SHANK2: variants seen among roughly 807,000 people sequenced by gnomAD.
SHANK2 encodes SH3 and multiple ankyrin repeat domains 2.
SHANK2 carries 43 observed loss-of-function variants against 133.7 expected under a neutral mutation model. The observed-to-expected ratio is 0.32, with a 90% CI of 0.25 to 0.41. The LOEUF (loss-of-function observed/expected upper bound fraction) is 0.41, where lower values mean the gene tolerates loss of function less well. Ranked by LOEUF, SHANK2 falls within the 10% of genes least tolerant of loss-of-function variation. SHANK2 has a pLI of 1.00. For synonymous variants in SHANK2, 1,017 were observed against 952.8 expected, an observed-to-expected ratio of 1.07 and a Z score of -1.24; for missense variants, 1,994 against 2,235.8, an observed-to-expected ratio of 0.89 and a Z score of 2.18.
chr11:71,225,405 A>G (rs1954622905), intron 1 of SHANK2, among the ~76,000 whole-genome samples: 1 of 151,986 alleles, frequency 6.6e-6, no homozygotes, highest in Non-Finnish European at 1.5e-5. Flanking sequence ...GCAGTAACAA[A>G]TCCTCCTTTC....
chr11:70,573,655 T>G (rs1000282736), intron 17 of SHANK2, among the ~76,000 whole-genome samples: 2 of 151,952 alleles, frequency 1.3e-5, no homozygotes, highest in Non-Finnish European at 2.9e-5. Context: ...CAGATCAAGC[T>G]TCAGGTTCTG....
chr11:70,707,698 A>C (rs1042347828), intron 14 of SHANK2, among the ~76,000 whole-genome samples: 1 of 152,168 alleles, frequency 6.6e-6, no homozygotes, highest in East Asian at 1.9e-4. Flanking sequence ...ATGAATGCAC[A>C]CTTCTAAATA....
intron 10 of SHANK2, among the ~76,000 whole-genome samples, chr11:70,926,989 C>G (rs1950436904): frequency 6.6e-6 from 1 of 152,160 alleles, no homozygotes; most frequent in Non-Finnish European, 1.5e-5. Flanking sequence ...CCTGCTGGGT[C>G]CCTTTCCACC....
At chr11:71,176,257 A>C (rs895523965) in intron 2 of SHANK2, among the ~76,000 whole-genome samples, 2 of 152,206 alleles carry the variant, frequency 1.3e-5, no homozygotes, top group Non-Finnish European at 2.9e-5. Context: ...TCCCGCCCCC[A>C]AAAAGCTCAA....
At chr11:70,707,605 C>A (rs1945694510) in intron 14 of SHANK2, among the ~76,000 whole-genome samples, 1 of 152,118 alleles carries the variant, frequency 6.6e-6, no homozygotes, top group Non-Finnish European at 1.5e-5. Flanking sequence ...CCCCAAGCAG[C>A]AAACCATCTC....
intron 17 of SHANK2, chr11:70,631,644 T>TG (rs1294448279): frequency 1.3e-5 from 2 of 152,352 alleles, no homozygotes; most frequent in Non-Finnish European, 2.9e-5. Flanking sequence ...GCCCCCGCAG[T>TG]GGGGGATGTG....
intron 11 of SHANK2, among the ~76,000 whole-genome samples, chr11:70,836,010 C>A (rs1798911858): frequency 6.6e-6 from 1 of 152,144 alleles, no homozygotes; most frequent in South Asian, 2.1e-4. Context: ...GTGGGCTGCC[C>A]ACCACCTCCT....
rs369697996 is a variant in SHANK2 at position 70,884,079 on chromosome 11, C to T, written c.1174+12422G>A. 3.2e-4 allele frequency among the ~76,000 whole-genome samples: 48 copies of T among 152,302 alleles called. 1 individual carries two copies. In the East Asian group the frequency reaches 8.1e-3, roughly 26 times the overall value. ...GAGGAACTTTCTGGGAGAATGGATGCAGAGAGCAAGAGGAGAATGCACCAG... is the reference window on the plus strand; with the variant it reads ...GAGGAACTTTCTGGGAGAATGGATGTAGAGAGCAAGAGGAGAATGCACCAG... On this transcript the variant is annotated intron_variant, in intron 11 of 25. Coordinates refer to ENST00000601538, the MANE Select transcript of SHANK2 (RefSeq NM_012309.5).
intron 3 of SHANK2, among the ~76,000 whole-genome samples, chr11:71,135,943 G>C (rs1320480008): frequency 6.6e-5 from 10 of 152,250 alleles, no homozygotes; most frequent in African/African-American, 9.6e-5. Flanking sequence ...GGTGATGAAG[G>C]CTGAGGGAAC....
At chr11:70,734,422 A>C (rs1946358549) in intron 14 of SHANK2, among the ~76,000 whole-genome samples, 1 of 152,170 alleles carries the variant, frequency 6.6e-6, no homozygotes, top group Non-Finnish European at 1.5e-5. Context: ...CCTGACTCCC[A>C]TACCCAGTCC....
intron 14 of SHANK2, among the ~76,000 whole-genome samples, chr11:70,745,574 C>T (rs1352309261): frequency 1.3e-5 from 2 of 152,210 alleles, no homozygotes; most frequent in African/African-American, 4.8e-5. Context: ...TCCTGCCCTG[C>T]GCTGGCCTGG....
intron 14 of SHANK2, among the ~76,000 whole-genome samples, chr11:70,785,424 T>C (rs1258420027): frequency 6.6e-6 from 1 of 152,208 alleles, no homozygotes; most frequent in Non-Finnish European, 1.5e-5. Flanking sequence ...GCCCATCCCC[T>C]TACCTAACTC....
chr11:70,751,269 A>T (rs1281478889), intron 14 of SHANK2, among the ~76,000 whole-genome samples: 1 of 152,234 alleles, frequency 6.6e-6, no homozygotes, highest in Non-Finnish European at 1.5e-5. Flanking sequence ...AAAAATATAT[A>T]CTGAAAGCAG....
At chr11:71,163,243 T>C (rs1953064606) in intron 2 of SHANK2, among the ~76,000 whole-genome samples, 3 of 146,848 alleles carry the variant, frequency 2.0e-5, no homozygotes, top group Non-Finnish European at 4.4e-5. Context: ...ATGGTGGGTA[T>C]AGAGTCATTA....
intron 3 of SHANK2, among the ~76,000 whole-genome samples, chr11:71,122,132 G>A (rs1342182243): frequency 1.3e-5 from 2 of 152,154 alleles, no homozygotes; most frequent in Non-Finnish European, 2.9e-5. Flanking sequence ...TTGACCCAGT[G>A]ATCCCATTAC....
chr11:71,134,106 G>A (rs1254891753), intron 3 of SHANK2, among the ~76,000 whole-genome samples: 18 of 151,840 alleles, frequency 1.2e-4, no homozygotes, highest in Admixed American at 3.9e-4. Flanking sequence ...AAGCTCCTCC[G>A]TGGCAGGAGG....
chr11:71,137,509 G>T (rs4945086), intron 3 of SHANK2, among the ~76,000 whole-genome samples: 1 of 151,752 alleles, frequency 6.6e-6, no homozygotes, highest in African/African-American at 2.4e-5. Flanking sequence ...ATGTGACCGT[G>T]GATGCTGTGT....
At chr11:71,149,317 C>T (rs1345599158) in intron 2 of SHANK2, among the ~76,000 whole-genome samples, 8 of 152,300 alleles carry the variant, frequency 5.3e-5, no homozygotes, top group African/African-American at 1.4e-4. Flanking sequence ...TTGTCAGCCC[C>T]GCCCTGGAGG....
At chr11:70,791,836 C>A (rs150715446) in intron 14 of SHANK2, among the ~76,000 whole-genome samples, 324 of 152,306 alleles carry the variant, frequency 2.1e-3, no homozygotes, top group African/African-American at 7.6e-3. Context: ...CTCCGACATG[C>A]TGAGATGGGG....
Sources: gnomAD v4.1 joint callset for allele counts (sites outside exome capture counted in the v4.1 genomes callset) on GRCh38, gnomAD v4.1.1 for gene constraint, MANE v1.5 for transcripts, NCBI Gene and HGNC (gene_info 2026-07-23, HGNC 2026-07-21) for gene names.